Variants in SNTG1 observed in about 807,000 individuals in gnomAD.
The protein encoded by SNTG1 is gamma-1-syntrophin.
SNTG1 carries 39 observed loss-of-function variants against 74.7 expected under a neutral mutation model. The ratio of observed to expected loss-of-function variants is 0.52; its 90% CI spans 0.40 to 0.68. The LOEUF is 0.68. Ranked by LOEUF, SNTG1 falls within the 30% of genes least tolerant of loss-of-function variation. The pLI, the probability that SNTG1 is intolerant of heterozygous loss-of-function variation, is 0.00. For synonymous variants in SNTG1, 254 were observed against 217.1 expected (o/e 1.17, Z -1.49); for missense variants, 685 against 609.5 (o/e 1.12, Z -1.30).
intron 1 of SNTG1, among the ~76,000 whole-genome samples, chr8:50,171,978 A>C (rs1321773584): frequency 6.6e-6 from 1 of 152,172 alleles, no homozygotes; most frequent in Non-Finnish European, 1.5e-5. Context: ...GCCAAGTAAC[A>C]TAAACGGGAT....
At chr8:50,543,006 T>A (rs527682154) in intron 11 of SNTG1, among the ~76,000 whole-genome samples, 2 of 152,220 alleles carry the variant, frequency 1.3e-5, no homozygotes, top group Non-Finnish European at 2.9e-5. Context: ...AGATGGGTCA[T>A]TTGAAAATAT....
chr8:50,404,662 T>TA (rs1376470757), intron 4 of SNTG1, among the ~76,000 whole-genome samples: 1 of 152,054 alleles, frequency 6.6e-6, no homozygotes, highest in Admixed American at 6.6e-5. Context: ...ATACATAATA[T>TA]AAAATGTACC....
chr8:50,649,746 A>G (rs573044000), intron 13 of SNTG1, among the ~76,000 whole-genome samples: 5 of 152,048 alleles, frequency 3.3e-5, no homozygotes, highest in Non-Finnish European at 5.9e-5. Flanking sequence ...CCACTTTTCT[A>G]CTGGCTCGTC....
intron 12 of SNTG1, among the ~76,000 whole-genome samples, chr8:50,564,070 C>T (rs1462236447): frequency 6.6e-6 from 1 of 151,630 alleles, no homozygotes; most frequent in Admixed American, 6.6e-5. Flanking sequence ...AATAATTCAA[C>T]TTTCTCTTCC....
chr8:50,317,386 G>A (rs1219081353), intron 2 of SNTG1, among the ~76,000 whole-genome samples: 1 of 152,098 alleles, frequency 6.6e-6, no homozygotes, highest in Non-Finnish European at 1.5e-5. Context: ...TAAAGTGCAA[G>A]GTTATTTTCT....
At chr8:50,604,253 C>G (rs2094795867) in intron 13 of SNTG1, among the ~76,000 whole-genome samples, 1 of 151,942 alleles carries the variant, frequency 6.6e-6, no homozygotes, top group African/African-American at 2.4e-5. Context: ...CTCATCTGTA[C>G]TTAAAAATAC....
intron 12 of SNTG1, among the ~76,000 whole-genome samples, chr8:50,587,060 C>T (rs752836420): frequency 6.6e-6 from 1 of 151,886 alleles, no homozygotes; most frequent in Admixed American, 6.6e-5. Flanking sequence ...AACATAAAAT[C>T]AATTTCGGTT....
At chr8:50,393,066 T>C (rs188339192) in intron 2 of SNTG1, among the ~76,000 whole-genome samples, 35 of 152,216 alleles carry the variant, frequency 2.3e-4, no homozygotes, top group African/African-American at 8.4e-4. Flanking sequence ...TCAAATAAAA[T>C]GTTTAAGAGC....
At chr8:50,680,158 T>G (rs931126681) in intron 15 of SNTG1, among the ~76,000 whole-genome samples, 10 of 152,194 alleles carry the variant, frequency 6.6e-5, no homozygotes, top group African/African-American at 2.4e-4. Context: ...TCTGCTTATG[T>G]TGTATGTCAG....
intron 1 of SNTG1, among the ~76,000 whole-genome samples, chr8:50,023,075 A>G (rs1326131952): frequency 1.3e-5 from 2 of 152,174 alleles, no homozygotes; most frequent in Non-Finnish European, 2.9e-5. Context: ...CCGGTCCCCA[A>G]GGGGAGATCA....
intron 18 of SNTG1, among the ~76,000 whole-genome samples, chr8:50,760,286 CA>C (rs1210009278): frequency 1.3e-5 from 2 of 152,074 alleles, no homozygotes; most frequent in African/African-American, 4.8e-5. Flanking sequence ...ATGTCATCTG[CA>C]AACAGAAATA....
At chr8:50,458,503 C>T (rs1317404769) in intron 8 of SNTG1, among the ~76,000 whole-genome samples, 1 of 151,714 alleles carries the variant, frequency 6.6e-6, no homozygotes, top group Non-Finnish European at 1.5e-5. Flanking sequence ...TACACTGAAC[C>T]AATGGAATTC....
At chr8:49,941,548 TGC>T (rs1426718845) in intron 1 of SNTG1, among the ~76,000 whole-genome samples, 3 of 148,050 alleles carry the variant, frequency 2.0e-5, no homozygotes, top group African/African-American at 7.4e-5. Flanking sequence ...TATATATATA[TGC>T]ATATTTGAAA....
At chr8:50,236,537 A>G (rs975232460) in intron 2 of SNTG1, among the ~76,000 whole-genome samples, 36 of 141,894 alleles carry the variant, frequency 2.5e-4, no homozygotes, top group Non-Finnish European at 4.2e-4. Context: ...TGCAAGCTCC[A>G]CCTCCTGGGT....
At chr8:50,570,765 T>C (rs2094544903) in intron 12 of SNTG1, among the ~76,000 whole-genome samples, 1 of 151,528 alleles carries the variant, frequency 6.6e-6, no homozygotes, top group African/African-American at 2.4e-5. Flanking sequence ...CCACCGTGCC[T>C]GTAGAATTTT....
At chr8:50,196,240 A>C (rs1231793312) in intron 2 of SNTG1, among the ~76,000 whole-genome samples, 1 of 152,112 alleles carries the variant, frequency 6.6e-6, no homozygotes, top group African/African-American at 2.4e-5. Flanking sequence ...TAATTGTCAG[A>C]AGGCCTGGAC....
At chr8:50,401,734 T>C (rs1317130002) in intron 3 of SNTG1, among the ~76,000 whole-genome samples, 1 of 152,038 alleles carries the variant, frequency 6.6e-6, no homozygotes, top group Non-Finnish European at 1.5e-5. Context: ...AATGGAGAAA[T>C]AGGAGTGTGT....
intron 2 of SNTG1, among the ~76,000 whole-genome samples, chr8:50,232,724 G>A (rs546184785): frequency 6.6e-6 from 1 of 151,476 alleles, no homozygotes; most frequent in East Asian, 1.9e-4. Context: ...TAATAAGTAA[G>A]TTCAGCAAAA....
At chr8:50,137,697 GGAGTAAACCACCA>G (rs1461474221) in intron 1 of SNTG1, among the ~76,000 whole-genome samples, 1 of 152,168 alleles carries the variant, frequency 6.6e-6, no homozygotes, top group Non-Finnish European at 1.5e-5. Flanking sequence ...GAAGTGACAT[GGAGTAAACCACCA>G]GATCTGTGGG....
Sources: allele counts gnomAD v4.1 joint callset (sites outside exome capture counted in the v4.1 genomes callset), GRCh38; gene constraint gnomAD v4.1.1; transcripts MANE v1.5; gene names NCBI Gene and HGNC (gene_info 2026-07-23, HGNC 2026-07-21).